Variants in BTRC observed in about 807,000 individuals in gnomAD.
BTRC encodes the protein beta-transducin repeat containing E3 ubiquitin protein ligase, also known as F-box/WD repeat-containing protein 1A.
BTRC carries 42 observed loss-of-function variants against 85.5 expected under a neutral mutation model. That is an observed-to-expected ratio of 0.49 (90% CI 0.38 to 0.64). The LOEUF (loss-of-function observed/expected upper bound fraction) is 0.64, where lower values mean the gene tolerates loss of function less well. Ranked by LOEUF, BTRC falls within the 30% of genes least tolerant of loss-of-function variation. The probability of loss-of-function intolerance (pLI) is 0.00; values close to 1 mark genes in which losing one functional copy is unlikely to be tolerated. For synonymous variants in BTRC, 255 were observed against 263.3 expected (o/e 0.97, Z 0.30); for missense variants, 594 against 743.5 (o/e 0.80, Z 2.34).
chr10:101,552,104 T>G (rs2062659462), intron 14 of BTRC, among the ~76,000 whole-genome samples: 1 of 152,210 alleles, frequency 6.6e-6, no homozygotes, highest in African/African-American at 2.4e-5. Flanking sequence ...TGATTATTTG[T>G]GCTTCTTTCC....
chr10:101,420,802 C>T (rs1944080678), intron 1 of BTRC, among the ~76,000 whole-genome samples: 1 of 151,894 alleles, frequency 6.6e-6, no homozygotes, highest in Non-Finnish European at 1.5e-5. Flanking sequence ...CTGTACTCAC[C>T]TATTGAACTG....
At chr10:101,429,659 C>G (rs1564767153) in intron 1 of BTRC, among the ~76,000 whole-genome samples, 2 of 149,764 alleles carry the variant, frequency 1.3e-5, no homozygotes, top group African/African-American at 4.9e-5. Context: ...GTTTTCCCTT[C>G]TGTTTGGGTT....
intron 3 of BTRC, among the ~76,000 whole-genome samples, chr10:101,464,444 A>G (rs984538106): frequency 6.6e-6 from 1 of 152,108 alleles, no homozygotes; most frequent in African/African-American, 2.4e-5. Context: ...TGTGTGCAAT[A>G]TTCGAAAGAG....
chr10:101,424,305 AT>A (rs1944190144), intron 1 of BTRC, among the ~76,000 whole-genome samples: 2 of 152,178 alleles, frequency 1.3e-5, no homozygotes, highest in African/African-American at 4.8e-5. Context: ...AGATATGATT[AT>A]CCTATCTGAC....
intron 1 of BTRC, among the ~76,000 whole-genome samples, chr10:101,354,764 G>GGGC: frequency 6.6e-6 from 1 of 152,258 alleles, no homozygotes; most frequent in Non-Finnish European, 1.5e-5. Context: ...GAGGCTTATA[G>GGGC]TTTTGTAGAA....
At chr10:101,465,672 C>G (rs1156712826) in intron 3 of BTRC, among the ~76,000 whole-genome samples, 1 of 152,118 alleles carries the variant, frequency 6.6e-6, no homozygotes, top group East Asian at 1.9e-4. Context: ...AAAAATCCAC[C>G]ATAACAGTAA....
chr10:101,518,194 G>A (rs2062049984), intron 4 of BTRC, among the ~76,000 whole-genome samples: 1 of 152,108 alleles, frequency 6.6e-6, no homozygotes, highest in African/African-American at 2.4e-5. Flanking sequence ...TTACAGGCGT[G>A]AGCCACCGCG....
chr10:101,476,787 A>G (rs1945700667), intron 3 of BTRC, among the ~76,000 whole-genome samples: 1 of 152,116 alleles, frequency 6.6e-6, no homozygotes, highest in Non-Finnish European at 1.5e-5. Flanking sequence ...AATTATCTCA[A>G]AATGTTAAAA....
At chr10:101,393,534 C>T (rs1452549445) in intron 1 of BTRC, among the ~76,000 whole-genome samples, 3 of 152,118 alleles carry the variant, frequency 2.0e-5, no homozygotes, top group Non-Finnish European at 2.9e-5. Context: ...CATACAGGGA[C>T]ACATAATTCA....
chr10:101,432,586 C>T (rs1386248521), intron 2 of BTRC, among the ~76,000 whole-genome samples: 2 of 152,090 alleles, frequency 1.3e-5, no homozygotes, highest in African/African-American at 4.8e-5. Flanking sequence ...ATTGTAGTGC[C>T]TAAAAGGCTG....
chr10:101,393,824 AG>A (rs1943297472), intron 1 of BTRC, among the ~76,000 whole-genome samples: 1 of 152,184 alleles, frequency 6.6e-6, no homozygotes, highest in Admixed American at 6.5e-5. Flanking sequence ...GCCTCACACA[AG>A]GGATGAAAAT....
In BTRC at chr10:101,533,047, A is replaced by G. The variant is rs774971820; in HGVS notation, c.1074A>G (p.Thr358=). ...CLQYDERVII[T]GSSDSTVRVW... is the part of the protein sequence containing the mutation. ...AGTATGATGAGAGAGTGATCATAAC[A>G]GGATCATCGGATTCCACGGTCAGGT... The change falls in exon 9 of 15, where the codon ACA becomes ACG. Residue 358 remains threonine, a synonymous_variant. Coordinates refer to ENST00000370187, the MANE Select transcript of BTRC (RefSeq NM_033637.4). 6.2e-7 allele frequency: 1 copy of G among 1,611,924 alleles called. No homozygotes were observed. Among genetic ancestry groups the G allele is most frequent in the Non-Finnish European group, 8.5e-7 (1 of 1,178,196 alleles).
chr10:101,512,323 CT>C (rs2061967702), intron 4 of BTRC, among the ~76,000 whole-genome samples: 1 of 152,178 alleles, frequency 6.6e-6, no homozygotes, highest in South Asian at 2.1e-4. Context: ...TCCTTAAAGC[CT>C]TTCTCAAAGC....
At chr10:101,525,686 C>T (rs1050704028) in intron 5 of BTRC, among the ~76,000 whole-genome samples, 1 of 152,006 alleles carries the variant, frequency 6.6e-6, no homozygotes, top group South Asian at 2.1e-4. Context: ...TAGAACATCC[C>T]CTAGTGCTGA....
intron 2 of BTRC, among the ~76,000 whole-genome samples, chr10:101,437,103 C>A (rs1350255857): frequency 1.3e-5 from 2 of 152,114 alleles, no homozygotes; most frequent in Admixed American, 1.3e-4. Context: ...CTGTGTAGCA[C>A]AATTTCTGTA....
At chr10:101,500,033 T>C (rs1394138401) in intron 4 of BTRC, among the ~76,000 whole-genome samples, 1 of 151,366 alleles carries the variant, frequency 6.6e-6, no homozygotes, top group African/African-American at 2.4e-5. Context: ...AATAAAGTTT[T>C]GAGAGGATTC....
chr10:101,429,481 G>A lies in BTRC; in HGVS notation c.49-864G>A, dbSNP rs10883650. Among the ~76,000 whole-genome samples, 13 of 146,584 alleles carry A rather than the reference G, an allele frequency of 8.9e-5. No homozygotes were observed. In the East Asian group the frequency reaches 1.2e-3, roughly 14 times the overall value. ...TAATACCAACAGCTTTCTAGGTGTC[G>A]TCTTCTTCCTCTTCCTCTCCCCTCC... On this transcript the variant is annotated intron_variant, in intron 1 of 14. Transcript: ENST00000370187.
intron 1 of BTRC, among the ~76,000 whole-genome samples, chr10:101,417,160 T>C (rs148090504): frequency 5.9e-4 from 90 of 152,330 alleles, no homozygotes; most frequent in African/African-American, 2.0e-3. Flanking sequence ...TGGCATATTA[T>C]TTTGTCATCT....
At chr10:101,467,628 G>C (rs9420823) in intron 3 of BTRC, among the ~76,000 whole-genome samples, 56,168 of 151,672 alleles carry the variant, frequency 0.37, 11,568 homozygotes, top group Middle Eastern at 0.49. Flanking sequence ...GTTGGTTGTT[G>C]TTGGTTTTTT....
Sources: allele counts gnomAD v4.1 joint callset (sites outside exome capture counted in the v4.1 genomes callset), GRCh38; gene constraint gnomAD v4.1.1; transcripts MANE v1.5; gene names NCBI Gene and HGNC (gene_info 2026-07-23, HGNC 2026-07-21).